PER2: variants seen among roughly 807,000 people sequenced by gnomAD.
PER2 encodes period circadian regulator 2.
Under a neutral mutation model 121.0 loss-of-function variants are expected in PER2, and 66 were observed. That is an observed-to-expected ratio of 0.55 (90% CI 0.45 to 0.67). PER2 has a LOEUF of 0.67. Among genes scored for constraint, PER2 ranks in the 30% least tolerant of loss-of-function variants. PER2 has a pLI of 0.00. For missense variants in PER2, 1,521 were observed against 1,635.0 expected, an observed-to-expected ratio of 0.93 and a Z score of 1.20; for synonymous variants, 684 against 659.9, an observed-to-expected ratio of 1.04 and a Z score of -0.56.
rs1301193813 is a variant in PER2, at chr2:238,251,648, C to G, written c.3225G>C (p.Glu1075Asp). 3.7e-6 allele frequency: 6 copies of G among 1,614,130 alleles called. No individual in the cohort carries two copies. The African/African-American group carries it at 8.0e-5, about 22-fold the overall frequency. Residue 1075 changes from glutamate to aspartate, a missense_variant, in exon 20 of 23, where the codon GAG (glutamate) becomes GAC (aspartate). By Grantham distance (45) the Glu-to-Asp change is conservative (BLOSUM62 2). Coordinates refer to ENST00000254657, the MANE Select transcript of PER2 (RefSeq NM_022817.3). ...LCSASGSAAS[E>D]SLGSGSLGCD... ...AGCCCAGTGAGCCGGAGCCCAGAGA[C>G]TCCGAAGCAGCAGAGCCCGAGGCTG... is the stretch of plus-strand genomic sequence containing the variant.
chr2:238,260,034 T>C lies in PER2; in HGVS notation c.1562A>G (p.Asn521Ser), dbSNP rs1296259675. 2 of 1,483,120 alleles carry C rather than the reference T, an allele frequency of 1.3e-6. No homozygotes were observed. Among genetic ancestry groups the C allele is most frequent in the East Asian group, 2.3e-5 (1 of 44,182 alleles). 91.9% of individuals were successfully genotyped at this position (1,483,120 alleles called of 1,614,324 possible). ...RRRAEICKNG[N>S]KTKNRSHYSH... Reference sequence around the variant, plus strand: ...ATAATGACTTCTATTTTTGGTCTTGTTACCATTTTTACAAATTTCCTTGAA... The same window carrying C: ...ATAATGACTTCTATTTTTGGTCTTGCTACCATTTTTACAAATTTCCTTGAA... Residue 521 changes from asparagine to serine, a missense_variant, in exon 14 of 23, where the codon AAC becomes AGC. By Grantham distance (46) the Asn-to-Ser change is conservative (BLOSUM62 1). Transcript: ENST00000254657.
rs1433531974 is a variant in PER2 at position 238,251,684 on chromosome 2, C to A, written c.3189G>T (p.Glu1063Asp). Reference sequence around the variant, plus strand: ...CAGAGCCCGAGGCTGAGCAGAGGTCCTCATTCAGCAGGAGGTTTAGGAGGC... The same window carrying A: ...CAGAGCCCGAGGCTGAGCAGAGGTCATCATTCAGCAGGAGGTTTAGGAGGC... ...SSGLLNLLLN[E>D]DLCSASGSAA... Residue 1063 changes from glutamate to aspartate, a missense_variant, in exon 20 of 23, where the codon GAG (glutamate) becomes GAT (aspartate). By Grantham distance (45) the Glu-to-Asp change is conservative. Transcript: ENST00000254657. The A allele has an allele frequency of 6.2e-7, 1 of 1,613,960 alleles. No individual in the cohort carries two copies. The highest frequency in any genetic ancestry group is 8.5e-7 in the Non-Finnish European group (1 of 1,179,796).
rs757606417 is a variant in PER2 at position 238,260,907 on chromosome 2, T to C, written c.1463A>G (p.Asn488Ser). ...GSSGYGSLGS[N>S]GSHEHLMSQT... Reference sequence around the variant, plus strand: ...GCTCATAAGGTGCTCGTGGGACCCGTTGCTGCCCAGACTCCCGTAGCCACT... The same window carrying C: ...GCTCATAAGGTGCTCGTGGGACCCGCTGCTGCCCAGACTCCCGTAGCCACT... The change falls in exon 13 of 23, where the codon AAC becomes AGC. Residue 488 changes from asparagine to serine, a missense_variant. Asn to Ser is a conservative substitution (Grantham distance 46). Coordinates refer to ENST00000254657, the MANE Select transcript of PER2 (RefSeq NM_022817.3). The C allele has an allele frequency of 5.0e-6, 8 of 1,613,498 alleles. No homozygotes were observed. The Admixed American group carries it at 6.7e-5, about 13-fold the overall frequency.
At chr2:238,251,467 C>A (rs1695595820) in intron 20 of PER2, 132 bp downstream of exon 20, 1 of 805,786 alleles carries the variant, frequency 1.2e-6, no homozygotes. Context: ...TGGGTGTCTG[C>A]ATGGGCTCTG....
chr2:238,264,507 G>T (rs1696036462), intron 9 of PER2, among the ~76,000 whole-genome samples: 1 of 152,252 alleles, frequency 6.6e-6, no homozygotes, highest in African/African-American at 2.4e-5. Flanking sequence ...TGATCCTCCA[G>T]CTTCTAGGTG....
intron 1 of PER2, among the ~76,000 whole-genome samples, chr2:238,285,379 T>G (rs1046771122): frequency 6.6e-6 from 1 of 152,180 alleles, no homozygotes; most frequent in Admixed American, 6.5e-5. Context: ...GAGCAGAGAC[T>G]ACTGGCTGGT....
chr2:238,267,930 G>A (rs894019555), intron 8 of PER2, 126 bp downstream of exon 8: 2 of 1,035,696 alleles, frequency 1.9e-6, no homozygotes, highest in African/African-American at 3.1e-5. Context: ...CCAAGGTGAG[G>A]TGGAGAGGCC....
At chr2:238,299,653 A>G in the PER2 span, 2 of 152,268 alleles carry the variant, frequency 1.3e-5, no homozygotes, top group East Asian at 3.8e-4. Context: ...CAGGAGCCAG[A>G]TAGTGAATGG....
intron 1 of PER2, among the ~76,000 whole-genome samples, chr2:238,278,773 C>A (rs1229104547): frequency 6.6e-6 from 1 of 152,100 alleles, no homozygotes; most frequent in African/African-American, 2.4e-5. Flanking sequence ...AGGTGTGGAA[C>A]CCTCCCAGCA....
chr2:238,273,609 C>A (rs1159995344), intron 4 of PER2, among the ~76,000 whole-genome samples: 1 of 151,906 alleles, frequency 6.6e-6, no homozygotes, highest in Non-Finnish European at 1.5e-5. Context: ...AATTCTCTTG[C>A]CTCAGCCTTC....
Position 238,258,611 on chromosome 2 carries a change from G to C in PER2, c.1661C>G (p.Ala554Gly). Residue 554 changes from alanine to glycine, a missense_variant, in exon 15 of 23, where the codon GCT becomes GGT. Transcript: ENST00000254657. ...MQTNPPAEKKAVPAMEKDSLG... is the reference protein window; with the variant it reads ...MQTNPPAEKKGVPAMEKDSLG... ...GCTGTCCTTTTCCATGGCAGGGACAGCTTTCTTCTCAGCTGGGGGATTAGT... is the reference window on the plus strand; with the variant it reads ...GCTGTCCTTTTCCATGGCAGGGACACCTTTCTTCTCAGCTGGGGGATTAGT... 5 of 1,614,134 alleles carry C rather than the reference G, an allele frequency of 3.1e-6. No homozygotes were observed. The highest frequency in any genetic ancestry group is 4.2e-6 in the Non-Finnish European group (5 of 1,180,006).
chr2:238,294,707 C>T (rs1276843584), upstream of PER2, among the ~76,000 whole-genome samples: 1 of 152,194 alleles, frequency 6.6e-6, no homozygotes, highest in African/African-American at 2.4e-5. Flanking sequence ...CCACCTTTGT[C>T]TGCAGAAAGA....
At chr2:238,275,661 G>A (rs2106322678) in intron 4 of PER2, 82 bp downstream of exon 4, 1 of 1,474,110 alleles carries the variant, frequency 6.8e-7, no homozygotes, top group Non-Finnish European at 9.5e-7. Context: ...GTTTTAGAAA[G>A]TCAACACAAT....
chr2:238,245,756 ACAAAACCTATGT>A lies in PER2; in HGVS notation c.*607_*618del, dbSNP rs1695429767. 1 of 398,280 alleles carries A rather than the reference ACAAAACCTATGT, an allele frequency of 2.5e-6. No homozygotes were observed. The highest frequency in any genetic ancestry group is 4.4e-6 in the Non-Finnish European group (1 of 225,916). The allele number at this position is 398,280 out of a possible 1,614,324, so 24.7% of individuals were successfully genotyped here. ...AATGTTTCAACTTTGTTCACTACAAACAAAACCTATGTCAGACTGAAATATTGACCACACCAG... is the reference window on the plus strand; with the variant it reads ...AATGTTTCAACTTTGTTCACTACAAACAGACTGAAATATTGACCACACCAG... On this transcript the variant is annotated 3_prime_UTR_variant, in exon 23 of 23. Transcript: ENST00000254657.
chr2:238,283,337 C>T (rs1183532091), intron 1 of PER2, among the ~76,000 whole-genome samples: 1 of 152,240 alleles, frequency 6.6e-6, no homozygotes, highest in African/African-American at 2.4e-5. Context: ...GTGTGCTTTC[C>T]AGACTTTTCT....
rs1695446373 is a variant in PER2, at chr2:238,246,319, C to T, written c.*56G>A. 2.2e-6 allele frequency: 3 copies of T among 1,383,860 alleles called. No homozygotes were observed. The highest frequency in any genetic ancestry group is 2.0e-6 in the Non-Finnish European group (2 of 1,015,472). The allele number at this position is 1,383,860 out of a possible 1,614,324, so 85.7% of individuals were successfully genotyped here. A position where few individuals can be genotyped will look rare whatever the true frequency, so the allele number is the denominator to read the frequency against. On this transcript the variant is annotated 3_prime_UTR_variant, in exon 23 of 23. Transcript: ENST00000254657. ...AAACAGCCATGAAGATCTTTCATCT[C>T]TTCCAAGCACCACCTGGTGTACCTC...
upstream of PER2, chr2:238,289,558 AG>A (rs1363848349): frequency 6.6e-6 from 1 of 152,274 alleles, no homozygotes; most frequent in African/African-American, 2.4e-5. Context: ...GCGCATCACT[AG>A]GGAGAAAGGA....
At chr2:238,291,268 G>T (rs1696946086), upstream of PER2, among the ~76,000 whole-genome samples, 1 of 152,206 alleles carries the variant, frequency 6.6e-6, no homozygotes, top group African/African-American at 2.4e-5. Context: ...ACTCCCACCA[G>T]CCTGTTTCCA....
At chr2:238,278,869 T>C (rs575184983) in intron 1 of PER2, among the ~76,000 whole-genome samples, 105 of 152,238 alleles carry the variant, frequency 6.9e-4, no homozygotes, top group African/African-American at 2.1e-3. Flanking sequence ...CTGGGAATGG[T>C]TGGGAGCTGC....
Sources: allele counts gnomAD v4.1 joint callset (sites outside exome capture counted in the v4.1 genomes callset), GRCh38; gene constraint gnomAD v4.1.1; transcripts MANE v1.5; gene names NCBI Gene and HGNC (gene_info 2026-07-23, HGNC 2026-07-21).